RABGAP1L: variants seen among roughly 807,000 people sequenced by gnomAD.
RABGAP1L encodes rab GTPase-activating protein 1-like.
A neutral mutation model predicts 137.7 loss-of-function variants in RABGAP1L; 63 were observed. That is an observed-to-expected ratio of 0.46 (90% confidence interval 0.37 to 0.56). The LOEUF (loss-of-function observed/expected upper bound fraction) is 0.56. Ranked by LOEUF, RABGAP1L falls within the 20% of genes least tolerant of loss-of-function variation. The probability of loss-of-function intolerance (pLI) is 0.00; values close to 1 mark genes in which losing one functional copy is unlikely to be tolerated. For missense variants in RABGAP1L, 1,095 were observed against 1,244.0 expected (o/e 0.88, Z 1.80); for synonymous variants, 431 against 433.7 (o/e 0.99, Z 0.08).
intron 19 of RABGAP1L, among the ~76,000 whole-genome samples, chr1:174,933,320 A>G (rs79927571): frequency 2.3e-3 from 349 of 152,188 alleles, no homozygotes; most frequent in African/African-American, 8.0e-3. Context: ...GCTGCATGCC[A>G]GATTGCACCC....
intron 19 of RABGAP1L, among the ~76,000 whole-genome samples, chr1:174,941,118 T>C (rs775253531): frequency 6.6e-6 from 1 of 152,230 alleles, no homozygotes; most frequent in Admixed American, 6.5e-5. Context: ...TGAGGAAAGA[T>C]AGAAGCAATA....
At chr1:174,455,912 T>A (rs892597720) in intron 13 of RABGAP1L, among the ~76,000 whole-genome samples, 3 of 152,226 alleles carry the variant, frequency 2.0e-5, no homozygotes, top group African/African-American at 7.2e-5. Flanking sequence ...CAAGATCATG[T>A]CGTTTGACAA....
intron 19 of RABGAP1L, among the ~76,000 whole-genome samples, chr1:174,879,529 G>A (rs1653801542): frequency 6.6e-6 from 1 of 152,046 alleles, no homozygotes; most frequent in Non-Finnish European, 1.5e-5. Flanking sequence ...CACTGCACCC[G>A]GCTGATACTA....
At chr1:174,339,471 C>G (rs6677243) in intron 11 of RABGAP1L, among the ~76,000 whole-genome samples, 51,861 of 151,996 alleles carry the variant, frequency 0.34, 11,050 homozygotes, top group African/African-American at 0.6. Context: ...TCCCGAATGT[C>G]TAATTCAGGC....
chr1:174,834,640 C>A (rs1692546434), intron 19 of RABGAP1L, among the ~76,000 whole-genome samples: 1 of 147,612 alleles, frequency 6.8e-6, no homozygotes, highest in Non-Finnish European at 1.5e-5. Context: ...GTTCTTCCCA[C>A]AGACATGCTG....
chr1:174,891,705 A>G (rs1656174282), intron 19 of RABGAP1L, among the ~76,000 whole-genome samples: 1 of 152,028 alleles, frequency 6.6e-6, no homozygotes, highest in African/African-American at 2.4e-5. Context: ...GGGTCTCGCT[A>G]TGTTGCTCAG....
chr1:174,190,699 T>G (rs1667153000), intron 1 of RABGAP1L, among the ~76,000 whole-genome samples: 1 of 152,230 alleles, frequency 6.6e-6, no homozygotes, highest in South Asian at 2.1e-4. Context: ...GCACTTTAAA[T>G]TTTTTAAAAG....
chr1:174,227,189 T>G (rs1044254728), intron 3 of RABGAP1L, among the ~76,000 whole-genome samples: 6 of 151,644 alleles, frequency 4.0e-5, no homozygotes, highest in Non-Finnish European at 8.8e-5. Context: ...CAGAAAAAGC[T>G]GACCATTTAC....
intron 13 of RABGAP1L, among the ~76,000 whole-genome samples, chr1:174,452,355 A>G (rs1655539881): frequency 1.3e-5 from 2 of 152,156 alleles, no homozygotes; most frequent in South Asian, 2.1e-4. Flanking sequence ...CCAGGCCCTC[A>G]TAAACTGCTT....
chr1:174,255,758 T>C (rs1673072611), intron 7 of RABGAP1L, among the ~76,000 whole-genome samples: 1 of 152,198 alleles, frequency 6.6e-6, no homozygotes, highest in Non-Finnish European at 1.5e-5. Context: ...ACTCCTGACC[T>C]CAAATGATCT....
intron 22 of RABGAP1L, among the ~76,000 whole-genome samples, chr1:174,977,752 C>T (rs569938083): frequency 1.3e-5 from 2 of 152,258 alleles, no homozygotes; most frequent in South Asian, 2.1e-4. Flanking sequence ...GGGGCCTTAT[C>T]GTGGAAGGCG....
At chr1:174,375,525 A>G (rs542754023) in intron 12 of RABGAP1L, among the ~76,000 whole-genome samples, 103 of 152,140 alleles carry the variant, frequency 6.8e-4, no homozygotes, top group Non-Finnish European at 1.2e-3. Context: ...CAAAGAGGCT[A>G]CATCATTACA....
intron 7 of RABGAP1L, among the ~76,000 whole-genome samples, chr1:174,267,101 A>C (rs1674136743): frequency 6.6e-6 from 1 of 152,222 alleles, no homozygotes; most frequent in African/African-American, 2.4e-5. Flanking sequence ...AGACTGTAAT[A>C]AACAAAAATT....
At chr1:174,915,919 A>C (rs909569637) in intron 19 of RABGAP1L, among the ~76,000 whole-genome samples, 2 of 152,146 alleles carry the variant, frequency 1.3e-5, no homozygotes, top group African/African-American at 4.8e-5. Flanking sequence ...AAAGGTTTTA[A>C]TAACTTAGCC....
chr1:174,733,828 A>G (rs892104566), intron 17 of RABGAP1L, among the ~76,000 whole-genome samples: 1 of 152,082 alleles, frequency 6.6e-6, no homozygotes, highest in Non-Finnish European at 1.5e-5. Context: ...CACTCTGGAG[A>G]ATAGGCTGTG....
chr1:174,161,232 T>G, intron 1 of RABGAP1L, among the ~76,000 whole-genome samples: 1 of 146,374 alleles, frequency 6.8e-6, no homozygotes, highest in African/African-American at 2.5e-5. Context: ...TTATTATTAT[T>G]ATTATTATTA....
intron 13 of RABGAP1L, among the ~76,000 whole-genome samples, chr1:174,541,822 A>G (rs1665478172): frequency 6.6e-6 from 1 of 152,166 alleles, no homozygotes; most frequent in Non-Finnish European, 1.5e-5. Flanking sequence ...AATTTTGTCA[A>G]AGGCCTTTTC....
At chr1:174,292,329 CTTT>C (rs61636433) in intron 10 of RABGAP1L, among the ~76,000 whole-genome samples, 2,208 of 50,580 alleles carry the variant, frequency 0.044, 26 homozygotes, top group Middle Eastern at 0.083. Flanking sequence ...CCTACCTAAT[CTTT>C]TTTTTTTTTT....
intron 18 of RABGAP1L, among the ~76,000 whole-genome samples, chr1:174,754,870 G>A (rs1208552454): frequency 6.6e-6 from 1 of 152,158 alleles, no homozygotes; most frequent in African/African-American, 2.4e-5. Context: ...AGATTTCTCT[G>A]TATTATAAGC....
Sources: allele counts gnomAD v4.1 joint callset (sites outside exome capture counted in the v4.1 genomes callset), GRCh38; gene constraint gnomAD v4.1.1; transcripts MANE v1.5; gene names NCBI Gene and HGNC (gene_info 2026-07-23, HGNC 2026-07-21).